The following GALNT13 variants were observed in gnomAD, a reference collection of about 807,000 sequenced individuals.
GALNT13 encodes the protein UDP-GalNAc:polypeptide N-acetylgalactosaminyltransferase 13.
A neutral mutation model predicts 64.2 loss-of-function variants in GALNT13; 28 were observed. The ratio of observed to expected loss-of-function variants is 0.44; its 90% CI spans 0.32 to 0.60. The LOEUF (loss-of-function observed/expected upper bound fraction) is 0.60. GALNT13 is among the 20% of genes least tolerant of loss of function. The probability of loss-of-function intolerance (pLI) is 0.05; values close to 1 mark genes in which losing one functional copy is unlikely to be tolerated. For synonymous variants in GALNT13, 214 were observed against 224.6 expected, an observed-to-expected ratio of 0.95 and a Z score of 0.42; for missense variants, 577 against 669.8, an observed-to-expected ratio of 0.86 and a Z score of 1.53.
chr2:153,195,796 G>A, the GALNT13 span, among the ~76,000 whole-genome samples: 9 of 152,242 alleles, frequency 5.9e-5, no homozygotes, highest in Non-Finnish European at 5.9e-5. Context: ...GAGCTATGCA[G>A]ATATGTGAAG....
chr2:153,871,366 A>C (rs1685914812), upstream of GALNT13, among the ~76,000 whole-genome samples: 1 of 152,116 alleles, frequency 6.6e-6, no homozygotes, highest in African/African-American at 2.4e-5. Context: ...CAGGGTGTAG[A>C]TACTGTAACC....
chr2:153,498,854 CTT>C, the GALNT13 span, among the ~76,000 whole-genome samples: 1 of 146,856 alleles, frequency 6.8e-6, no homozygotes. Context: ...TAAGTTCGTT[CTT>C]TTTTTTTTTT....
chr2:153,877,781 T>C (rs1474502026), intron 1 of GALNT13, among the ~76,000 whole-genome samples: 1 of 152,206 alleles, frequency 6.6e-6, no homozygotes, highest in Non-Finnish European at 1.5e-5. Context: ...AGCTTATTTA[T>C]GAAGAAGGTA....
intron 2 of GALNT13, among the ~76,000 whole-genome samples, chr2:153,911,122 C>A (rs535197795): frequency 1.3e-5 from 2 of 152,116 alleles, no homozygotes; most frequent in South Asian, 2.1e-4. Flanking sequence ...GGTGTATATA[C>A]GTTTAGAATA....
chr2:154,323,213 C>T (rs1346074685), intron 9 of GALNT13, among the ~76,000 whole-genome samples: 3 of 151,134 alleles, frequency 2.0e-5, no homozygotes, highest in East Asian at 1.9e-4. Flanking sequence ...GGAGGATTCC[C>T]GGAGCTCAGG....
intron 4 of GALNT13, among the ~76,000 whole-genome samples, chr2:154,147,511 G>T (rs2105605386): frequency 6.6e-6 from 1 of 151,816 alleles, no homozygotes; most frequent in African/African-American, 2.4e-5. Context: ...AGATGAATTT[G>T]TGTAGAATCA....
chr2:153,127,012 T>C, the GALNT13 span, among the ~76,000 whole-genome samples: 1 of 152,054 alleles, frequency 6.6e-6, no homozygotes, highest in South Asian at 2.1e-4. Flanking sequence ...GTACAGAATA[T>C]CCTAGGGGCC....
At chr2:153,902,734 T>G (rs2105296212) in intron 2 of GALNT13, among the ~76,000 whole-genome samples, 1 of 152,152 alleles carries the variant, frequency 6.6e-6, no homozygotes, top group Admixed American at 6.6e-5. Flanking sequence ...TTAATGCTTG[T>G]GCAGGATTCA....
chr2:154,343,025 G>C (rs1027123563), intron 9 of GALNT13, among the ~76,000 whole-genome samples: 1 of 151,892 alleles, frequency 6.6e-6, no homozygotes, highest in Non-Finnish European at 1.5e-5. Context: ...CCATTTTAGA[G>C]ACAAAGTCAA....
chr2:153,445,562 G>C, the GALNT13 span, among the ~76,000 whole-genome samples: 1 of 152,180 alleles, frequency 6.6e-6, no homozygotes, highest in South Asian at 2.1e-4. Flanking sequence ...GTTTTTAGTA[G>C]AGACAGGGTT....
chr2:153,940,406 C>T (rs1028813568), intron 2 of GALNT13, among the ~76,000 whole-genome samples: 7 of 151,594 alleles, frequency 4.6e-5, no homozygotes, highest in Non-Finnish European at 5.9e-5. Context: ...TACAGGAGTC[C>T]GCCACCACGC....
rs1215938310 is a variant in GALNT13, at chr2:154,245,903, T to C, written c.778T>C (p.Trp260Arg). The C allele has an allele frequency of 6.8e-6, 11 of 1,613,388 alleles. No individual in the cohort carries two copies. Among genetic ancestry groups the C allele is most frequent in the Non-Finnish European group, 9.3e-6 (11 of 1,179,486 alleles). ...AGACATGACTTATGGGGGTTTTAACTGGAAACTGAATTTCCGCTGGTATCC... is the reference window on the plus strand; with the variant it reads ...AGACATGACTTATGGGGGTTTTAACCGGAAACTGAATTTCCGCTGGTATCC... Reference protein sequence around the residue: ...GSDMTYGGFNWKLNFRWYPVP... With the variant: ...GSDMTYGGFNRKLNFRWYPVP... The change falls in exon 7 of 13, where the codon TGG becomes CGG. Residue 260 changes from tryptophan to arginine, a missense_variant. Around this residue, in one of 3 missense-constraint regions of GALNT13, gnomAD observed 341 missense variants for 379.3 expected, o/e 0.90. Transcript: ENST00000392825.
chr2:153,157,142 G>GT, the GALNT13 span, among the ~76,000 whole-genome samples: 2 of 152,106 alleles, frequency 1.3e-5, no homozygotes, highest in Non-Finnish European at 2.9e-5. Flanking sequence ...TTTTTGTTTT[G>GT]TTTTTTAACA....
At chr2:153,131,418 G>A in the GALNT13 span, among the ~76,000 whole-genome samples, 4 of 152,088 alleles carry the variant, frequency 2.6e-5, no homozygotes, top group East Asian at 7.8e-4. Context: ...GAAGATGTTG[G>A]CTCCACACTC....
intron 2 of GALNT13, among the ~76,000 whole-genome samples, chr2:153,922,780 C>T (rs1689844353): frequency 6.6e-6 from 1 of 151,834 alleles, no homozygotes; most frequent in Admixed American, 6.6e-5. Flanking sequence ...CAATGACTGG[C>T]ATGAAGTGAT....
At chr2:153,789,476 C>T in the GALNT13 span, among the ~76,000 whole-genome samples, 5 of 152,016 alleles carry the variant, frequency 3.3e-5, no homozygotes, top group Non-Finnish European at 7.4e-5. Flanking sequence ...ACTAAATGCC[C>T]ACACCAAAAA....
intron 8 of GALNT13, among the ~76,000 whole-genome samples, chr2:154,290,601 G>C (rs957931793): frequency 2.0e-5 from 3 of 152,216 alleles, no homozygotes; most frequent in African/African-American, 7.2e-5. Flanking sequence ...GAAAGCCTGA[G>C]ACCAAATTTG....
At chr2:154,056,623 A>G (rs916759594) in intron 3 of GALNT13, among the ~76,000 whole-genome samples, 4 of 152,166 alleles carry the variant, frequency 2.6e-5, no homozygotes, top group African/African-American at 9.7e-5. Flanking sequence ...ACCTAAACTT[A>G]TAGCTGATAT....
chr2:153,671,886 A>C, the GALNT13 span, among the ~76,000 whole-genome samples: 3 of 152,194 alleles, frequency 2.0e-5, no homozygotes, highest in Non-Finnish European at 4.4e-5. Context: ...AGCAAAAAAA[A>C]GCAGGGGTTG....
Sources: allele counts gnomAD v4.1 joint callset (sites outside exome capture counted in the v4.1 genomes callset), GRCh38; gene constraint gnomAD v4.1.1; regional missense constraint gnomAD v4.1.1; transcripts MANE v1.5; gene names NCBI Gene and HGNC (gene_info 2026-07-23, HGNC 2026-07-21).